TPO: variants seen among roughly 807,000 people sequenced by gnomAD.
TPO encodes the protein thyroid microsomal antigen.
Under a neutral mutation model 96.9 loss-of-function variants are expected in TPO, and 78 were observed. That is an observed-to-expected ratio of 0.81 (90% CI 0.67 to 0.97). TPO has a LOEUF of 0.97. Among genes scored for constraint, TPO ranks in the 50% least tolerant of loss-of-function variants. The pLI is 0.00. For missense variants in TPO, 1,252 were observed against 1,274.8 expected (o/e 0.98, Z 0.27); for synonymous variants, 547 against 538.0 (o/e 1.02, Z -0.23).
At chr2:1,531,079 TC>T (rs1432873222) in intron 15 of TPO, among the ~76,000 whole-genome samples, 1 of 13,196 alleles carries the variant, frequency 7.6e-5, no homozygotes. Flanking sequence ...CCTCCTCAAA[TC>T]CCCCCACTGT....
chr2:1,462,353 A>C (rs1668525842), intron 7 of TPO, among the ~76,000 whole-genome samples: 1 of 152,174 alleles, frequency 6.6e-6, no homozygotes, highest in Admixed American at 6.5e-5. Flanking sequence ...ACAAGAGGCA[A>C]ACCCTCAGGG....
chr2:1,440,165 ACCGTGCTGCG>A (rs1666020438), intron 5 of TPO, among the ~76,000 whole-genome samples: 1 of 81,822 alleles, frequency 1.2e-5, no homozygotes, highest in Admixed American at 1.7e-4. Flanking sequence ...CTGCGTTTCC[ACCGTGCTGCG>A]TTTCCACCGT....
At chr2:1,394,788 A>C (rs1222587164) in intron 1 of TPO, among the ~76,000 whole-genome samples, 1 of 152,082 alleles carries the variant, frequency 6.6e-6, no homozygotes, top group East Asian at 1.9e-4. Context: ...ATGGGTTTTT[A>C]ATTTGCACTG....
chr2:1,520,106 ACC>A (rs1475805551), intron 15 of TPO, among the ~76,000 whole-genome samples: 1 of 148,102 alleles, frequency 6.8e-6, no homozygotes, highest in Non-Finnish European at 1.5e-5. Flanking sequence ...AACAGGGAAG[ACC>A]CTGGGGCTCC....
chr2:1,415,973 C>A (rs12328748), intron 2 of TPO, among the ~76,000 whole-genome samples: 1 of 151,996 alleles, frequency 6.6e-6, no homozygotes, highest in Admixed American at 6.5e-5. Context: ...GGTCACTGCC[C>A]GCTCTGAGAT....
At chr2:1,441,645 G>C (rs1666201912) in intron 5 of TPO, among the ~76,000 whole-genome samples, 1 of 152,110 alleles carries the variant, frequency 6.6e-6, no homozygotes, top group African/African-American at 2.4e-5. Context: ...TGAGGCTGTT[G>C]TTCCTCACCT....
At chr2:1,494,139 C>A (rs1672090465) in intron 11 of TPO, 100 bp downstream of exon 11, 9 of 1,195,200 alleles carry the variant, frequency 7.5e-6, no homozygotes. Context: ...CATTCCGGCT[C>A]CACCATTCAA....
intron 1 of TPO, among the ~76,000 whole-genome samples, chr2:1,402,333 C>A (rs1662185457): frequency 6.6e-6 from 1 of 152,148 alleles, no homozygotes; most frequent in African/African-American, 2.4e-5. Flanking sequence ...GCACAGGAAG[C>A]AAGACTGCTG....
At chr2:1,477,991 C>A in intron 8 of TPO, 3 of 985,400 alleles carry the variant, frequency 3.0e-6, no homozygotes, top group Non-Finnish European at 3.6e-6. Flanking sequence ...AAGCTACGTG[C>A]TTTACAGATT....
chr2:1,463,678 C>A (rs1412014322), intron 7 of TPO, among the ~76,000 whole-genome samples: 1 of 152,200 alleles, frequency 6.6e-6, no homozygotes, highest in Non-Finnish European at 1.5e-5. Context: ...CTGGGCTTTT[C>A]TTCATGACCT....
In TPO at chr2:1,493,882, A is replaced by C; in HGVS notation, c.1849A>C (p.Ser617Arg). 6.2e-7 allele frequency: 1 copy of C among 1,614,212 alleles called. No homozygotes were observed. The highest frequency in any genetic ancestry group is 1.1e-5 in the South Asian group (1 of 91,086). ...CCTGAGCACAGCCATCGCCAGCAGGAGCGTGGCCGACAAGATCCTGGACTT... is the reference window on the plus strand; with the variant it reads ...CCTGAGCACAGCCATCGCCAGCAGGCGCGTGGCCGACAAGATCCTGGACTT... ...ADLSTAIASR[S>R]VADKILDLYK... The change falls in exon 11 of 17, where the codon AGC becomes CGC. Residue 617 changes from serine (S) to arginine (R), a missense_variant. Physicochemically the swap from Ser to Arg is moderately radical, Grantham distance 110. Transcript: ENST00000329066.
chr2:1,504,798 C>T (rs974017796), intron 14 of TPO, among the ~76,000 whole-genome samples: 7 of 152,032 alleles, frequency 4.6e-5, no homozygotes, highest in African/African-American at 1.5e-4. Context: ...CGTAGCTGGC[C>T]GGGAATTTGT....
chr2:1,431,402 C>G (rs1162888148), intron 3 of TPO, among the ~76,000 whole-genome samples: 5 of 152,208 alleles, frequency 3.3e-5, no homozygotes, highest in African/African-American at 9.6e-5. Flanking sequence ...CCCGCAGAAC[C>G]TTGAGCCAAT....
chr2:1,477,120 C>T lies in TPO; in HGVS notation c.854C>T (p.Ala285Val), dbSNP rs143865793. 1.2e-6 allele frequency: 2 copies of T among 1,608,790 alleles called. No homozygotes were observed. Among genetic ancestry groups the T allele is most frequent in the Non-Finnish European group, 8.5e-7 (1 of 1,178,736 alleles). ...GAGGCCCGGCCGGCCGCGGGCACCG[C>T]CTGTCTGCCCTTCTACCGCTCTTCG... ...PEEARPAAGTACLPFYRSSAA... is the reference protein window; with the variant it reads ...PEEARPAAGTVCLPFYRSSAA... Residue 285 changes from alanine (A) to valine (V), a missense_variant, in exon 8 of 17, where the codon GCC becomes GTC. By Grantham distance (64) the Ala-to-Val change is moderately conservative. Coordinates refer to ENST00000329066, the MANE Select transcript of TPO (RefSeq NM_001206744.2).
rs1673911103 is a variant in TPO at position 1,509,873 on chromosome 2, T to TCTCTTGTTTCTGGGAAACCACACC, written c.2518+5805_2518+5828dup. 4.2e-5 allele frequency among the ~76,000 whole-genome samples: 5 copies of TCTCTTGTTTCTGGGAAACCACACC among 119,052 alleles called. No individual in the cohort carries two copies. The South Asian group carries it at 1.4e-3, about 34-fold the overall frequency. The allele number at this position is 119,052 out of a possible 152,430, so 78.1% of individuals were successfully genotyped here. ...CCCTCTTGCTTCAGGCACACCCCAC[T>TCTCTTGTTTCTGGGAAACCACACC]CTCTTGTTTCTGGGAAACCACACCC... On this transcript the variant is annotated intron_variant, in intron 14 of 16. Coordinates refer to ENST00000329066, the MANE Select transcript of TPO (RefSeq NM_001206744.2).
intron 10 of TPO, among the ~76,000 whole-genome samples, chr2:1,492,930 C>G (rs192634511): frequency 4.4e-4 from 67 of 152,168 alleles, no homozygotes; most frequent in African/African-American, 1.5e-3. Context: ...GAGGAGGTGA[C>G]AGCTGAACCA....
intron 6 of TPO, among the ~76,000 whole-genome samples, chr2:1,455,134 A>G (rs1383014790): frequency 6.6e-6 from 1 of 151,774 alleles, no homozygotes; most frequent in Non-Finnish European, 1.5e-5. Flanking sequence ...TCACATCTCC[A>G]CCTCCCGTCA....
Position 1,458,052 on chromosome 2 carries a change from G to A in TPO, c.819+1770G>A, listed in dbSNP as rs1366448433. On this transcript the variant is annotated intron_variant, in intron 7 of 16. Transcript: ENST00000329066. Reference sequence around the variant, plus strand: ...GTGTGTATATGGCATATAAGACAGTGTGTGGGAACGTGTTTATATGGCATA... The same window carrying A: ...GTGTGTATATGGCATATAAGACAGTATGTGGGAACGTGTTTATATGGCATA... Among the ~76,000 whole-genome samples the A allele has an allele frequency of 2.0e-5, 3 of 150,540 alleles. 1 individual carries two copies. Among genetic ancestry groups the A allele is most frequent in the African/African-American group, 7.4e-5 (3 of 40,428 alleles).
At position 1,487,888 on chromosome 2, in the gene TPO, G is replaced by A. The variant is rs757675379; in HGVS notation, c.1665G>A (p.Leu555=). 6.2e-7 allele frequency: 1 copy of A among 1,614,250 alleles called. No homozygotes were observed. Among genetic ancestry groups the A allele is most frequent in the Non-Finnish European group, 8.5e-7 (1 of 1,180,044 alleles). The change falls in exon 10 of 17, where the codon CTG becomes CTA. Residue 555 remains leucine, a synonymous_variant. Transcript: ENST00000329066. ...RPAKLQVQDQ[L]MNEELTERLF... ...CCAAACTGCAGGTGCAGGATCAGCT[G>A]ATGAACGAGGAGCTGACGGAAAGGC...
Sources: allele counts gnomAD v4.1 joint callset (sites outside exome capture counted in the v4.1 genomes callset), GRCh38; gene constraint gnomAD v4.1.1; transcripts MANE v1.5; gene names NCBI Gene and HGNC (gene_info 2026-07-23, HGNC 2026-07-21).